The following ERG variants were observed in gnomAD, a reference collection of about 807,000 sequenced individuals.
ERG encodes the protein transcriptional regulator ERG.
A neutral mutation model predicts 55.3 loss-of-function variants in ERG; 9 were observed. That is an observed-to-expected ratio of 0.16 (90% CI 0.10 to 0.28). The LOEUF is 0.28. ERG is among the 10% of genes least tolerant of loss of function. The pLI is 1.00. For missense variants in ERG, 434 were observed against 631.6 expected (o/e 0.69, Z 3.35); for synonymous variants, 223 against 237.3 (o/e 0.94, Z 0.55).
intron 8 of ERG, 138 bp downstream of exon 8, chr21:38,391,521 G>T: frequency 1.5e-6 from 1 of 669,842 alleles, no homozygotes; most frequent in Non-Finnish European, 2.5e-6. Context: ...TGATGACTTG[G>T]GCCCTATCTT....
chr21:38,554,152 G>C (rs2059843266), intron 2 of ERG, among the ~76,000 whole-genome samples: 2 of 152,154 alleles, frequency 1.3e-5, no homozygotes, highest in Admixed American at 6.5e-5. Context: ...ACACCAGTCA[G>C]AACGGCAATT....
intron 1 of ERG, among the ~76,000 whole-genome samples, chr21:38,658,709 C>T (rs2060534310): frequency 6.6e-6 from 1 of 152,196 alleles, no homozygotes. Flanking sequence ...TGACGTCTTT[C>T]AGAGATGCTT....
rs1225475116 is a variant in ERG, at chr21:38,380,351, C to G, written c.*3052G>C. On this transcript the variant is annotated 3_prime_UTR_variant, in exon 10 of 10. Coordinates refer to ENST00000288319, the MANE Select transcript of ERG (RefSeq NM_182918.4). Reference sequence around the variant, plus strand: ...GAAGCAGTGAGCCTTCTAACTGCAGCAGTCCTGACAAAGCACTTTGTGAAC... The same window carrying G: ...GAAGCAGTGAGCCTTCTAACTGCAGGAGTCCTGACAAAGCACTTTGTGAAC... 9.4e-7 allele frequency: 1 copy of G among 1,059,294 alleles called. No homozygotes were observed. The highest frequency in any genetic ancestry group is 1.6e-5 in the African/African-American group (1 of 60,694). 65.6% of individuals were successfully genotyped at this position (1,059,294 alleles called of 1,614,324 possible). A position where few individuals can be genotyped will look rare whatever the true frequency, so the allele number is the denominator to read the frequency against.
At chr21:38,564,888 C>G (rs904302114) in intron 2 of ERG, among the ~76,000 whole-genome samples, 13 of 152,290 alleles carry the variant, frequency 8.5e-5, no homozygotes, top group African/African-American at 3.1e-4. Context: ...CTCAGATAGC[C>G]TTAGGCTTAG....
At chr21:38,546,689 T>C (rs2059790239) in intron 2 of ERG, among the ~76,000 whole-genome samples, 1 of 152,170 alleles carries the variant, frequency 6.6e-6, no homozygotes, top group African/African-American at 2.4e-5. Flanking sequence ...AGAAACAACC[T>C]GGTCCAGCTC....
chr21:38,511,507 A>G (rs1344217366), intron 2 of ERG, among the ~76,000 whole-genome samples: 1 of 152,214 alleles, frequency 6.6e-6, no homozygotes, highest in Non-Finnish European at 1.5e-5. Flanking sequence ...CAATCATATC[A>G]TATTTCCTCA....
intron 1 of ERG, among the ~76,000 whole-genome samples, chr21:38,650,700 G>A (rs73902706): frequency 0.017 from 2,583 of 152,188 alleles, 75 homozygotes; most frequent in African/African-American, 0.059. Flanking sequence ...ACTCAATGAC[G>A]CATCACGTAT....
intron 1 of ERG, among the ~76,000 whole-genome samples, chr21:38,617,742 T>A (rs2060267021): frequency 6.6e-6 from 1 of 152,242 alleles, no homozygotes. Context: ...AGAGATGTCC[T>A]GCTGTTTCTG....
rs1370913977 is a variant in ERG at position 38,469,545 on chromosome 21, G to GTAT, written c.19-23927_19-23925dup. 7.2e-5 allele frequency among the ~76,000 whole-genome samples: 11 copies of GTAT among 152,004 alleles called. No homozygotes were observed. In the South Asian group the frequency reaches 2.3e-3, roughly 32 times the overall value. ...GCACCTTGATTCCTGCGGAATCATT[G>GTAT]TATTAACTGCTTTGGGCTATTCTCC... On this transcript the variant is annotated intron_variant, in intron 1 of 9. Coordinates refer to ENST00000288319, the MANE Select transcript of ERG (RefSeq NM_182918.4).
intron 6 of ERG, among the ~76,000 whole-genome samples, chr21:38,396,020 A>G (rs1293232156): frequency 6.6e-6 from 1 of 152,188 alleles, no homozygotes; most frequent in Non-Finnish European, 1.5e-5. Flanking sequence ...GATCCACACC[A>G]TATCTGCAAA....
At chr21:38,591,549 G>A (rs142691477) in intron 1 of ERG, among the ~76,000 whole-genome samples, 10 of 152,028 alleles carry the variant, frequency 6.6e-5, no homozygotes, top group South Asian at 2.1e-4. Context: ...AAAATTAGCC[G>A]GGCATGGTGG....
At chr21:38,549,144 A>G (rs2059807755) in intron 2 of ERG, among the ~76,000 whole-genome samples, 1 of 151,860 alleles carries the variant, frequency 6.6e-6, no homozygotes, top group African/African-American at 2.4e-5. Context: ...AAACAAAACA[A>G]AACAAAAAAG....
intron 2 of ERG, among the ~76,000 whole-genome samples, chr21:38,426,501 T>C (rs146766618): frequency 1.3e-5 from 2 of 152,314 alleles, no homozygotes; most frequent in African/African-American, 4.8e-5. Context: ...ACAACCTTTG[T>C]TCAGATTCAA....
chr21:38,498,321 A>C lies in ERG; in HGVS notation c.18+42T>G, dbSNP rs1328417617. The C allele has an allele frequency of 6.3e-7, 1 of 1,577,264 alleles. No homozygotes were observed. Among genetic ancestry groups the C allele is most frequent in the Non-Finnish European group, 8.7e-7 (1 of 1,148,980 alleles). On this transcript the variant is annotated intron_variant, in intron 1 of 9. Coordinates refer to ENST00000288319, the MANE Select transcript of ERG (RefSeq NM_182918.4). The surrounding 1 kb of genome is among the most constrained non-coding windows in gnomAD (Gnocchi z 4.6). The stretch of plus-strand genomic sequence containing the variant: ...AAAGGAAACCAAAGAAAAGAGTAAC[A>C]AGAACAAGATTTTGTCAAATTAAAA...
intron 2 of ERG, among the ~76,000 whole-genome samples, chr21:38,574,459 CA>C (rs749535546): frequency 5.3e-5 from 8 of 152,214 alleles, no homozygotes; most frequent in Non-Finnish European, 1.2e-4. Context: ...AGAGTTACCA[CA>C]ATCTCTGAAA....
chr21:38,648,633 C>A (rs564764059), intron 1 of ERG, among the ~76,000 whole-genome samples: 1 of 152,256 alleles, frequency 6.6e-6, no homozygotes, highest in African/African-American at 2.4e-5. Context: ...TCCTCCACCT[C>A]CTCCGAGGTT....
chr21:38,418,449 C>A (rs1327269575), intron 3 of ERG, among the ~76,000 whole-genome samples: 42 of 152,104 alleles, frequency 2.8e-4, no homozygotes, highest in Non-Finnish European at 7.4e-5. Flanking sequence ...CTACACCTGG[C>A]TAATGTTAAA....
chr21:38,461,491 CTCT>C (rs933684375), intron 1 of ERG, among the ~76,000 whole-genome samples: 9 of 152,308 alleles, frequency 5.9e-5, no homozygotes, highest in African/African-American at 2.2e-4. Context: ...GAATGTGTCC[CTCT>C]TCTTCACTGC....
chr21:38,381,934 T>TA lies in ERG; in HGVS notation c.*1468dup, dbSNP rs145269203. 1.7e-3 allele frequency: 1,833 copies of TA among 1,063,100 alleles called. 31 individuals carry two copies. The African/African-American group carries it at 0.027, about 16-fold the overall frequency. 65.9% of individuals were successfully genotyped at this position (1,063,100 alleles called of 1,614,324 possible). A position where few individuals can be genotyped will look rare whatever the true frequency, so the allele number is the denominator to read the frequency against. On this transcript the variant is annotated 3_prime_UTR_variant, in exon 10 of 10. Coordinates refer to ENST00000288319, the MANE Select transcript of ERG (RefSeq NM_182918.4). ...CCCTTGCACAAGTTCCTGGACAAAG[T>TA]AAATTATAACACAAAATCCACAACA...
Sources: allele counts gnomAD v4.1 joint callset (sites outside exome capture counted in the v4.1 genomes callset), GRCh38; gene constraint gnomAD v4.1.1; non-coding constraint Gnocchi (gnomAD v3.1); transcripts MANE v1.5; gene names NCBI Gene and HGNC (gene_info 2026-07-23, HGNC 2026-07-21).